Variants in PDE3A observed in about 807,000 individuals in gnomAD.
PDE3A encodes the protein cGMP-inhibited 3',5'-cyclic phosphodiesterase 3A.
PDE3A carries 43 observed loss-of-function variants against 98.3 expected under a neutral mutation model. The ratio of observed to expected loss-of-function variants is 0.44; its 90% confidence interval spans 0.34 to 0.56. The LOEUF is 0.56. Among genes scored for constraint, PDE3A ranks in the 20% least tolerant of loss-of-function variants. The pLI, the probability that PDE3A is intolerant of heterozygous loss-of-function variation, is 0.01. For missense variants in PDE3A, 1,427 were observed against 1,440.7 expected (o/e 0.99, Z 0.15); for synonymous variants, 663 against 567.9 (o/e 1.17, Z -2.38).
intron 1 of PDE3A, among the ~76,000 whole-genome samples, chr12:20,475,494 C>T (rs1041765814): frequency 6.6e-5 from 10 of 151,974 alleles, no homozygotes; most frequent in Middle Eastern, 6.3e-3. Flanking sequence ...TTTGGGAGGA[C>T]GAGGCCAGCA....
At chr12:20,390,163 G>C (rs1424655897) in intron 1 of PDE3A, among the ~76,000 whole-genome samples, 4 of 151,876 alleles carry the variant, frequency 2.6e-5, no homozygotes, top group African/African-American at 9.7e-5. Context: ...GGGATGCTGG[G>C]AAATTTTAAG....
intron 1 of PDE3A, among the ~76,000 whole-genome samples, chr12:20,409,204 T>G (rs990212359): frequency 1.3e-5 from 2 of 152,192 alleles, no homozygotes; most frequent in Admixed American, 1.3e-4. Context: ...AATAGAGTAT[T>G]CACATTCTTA....
rs1943443062 is a variant in PDE3A at position 20,370,278 on chromosome 12, A to C, written c.960+34A>C. The C allele has an allele frequency of 3.4e-6, 5 of 1,486,756 alleles. 1 individual carries two copies. In the South Asian group the frequency reaches 4.3e-5, roughly 13 times the overall value. 92.1% of individuals were successfully genotyped at this position (1,486,756 alleles called of 1,614,324 possible). ...TGGCAACTCCTCTCTCGGCTCTTGG[A>C]AACTTGAAACACTTGGCAACCGGCG... On this transcript the variant is annotated intron_variant, in intron 1 of 15. Coordinates refer to ENST00000359062, the MANE Select transcript of PDE3A (RefSeq NM_000921.5).
chr12:20,645,477 A>G (rs1944756010), intron 10 of PDE3A, among the ~76,000 whole-genome samples: 1 of 152,114 alleles, frequency 6.6e-6, no homozygotes, highest in South Asian at 2.1e-4. Context: ...AGTATTATGA[A>G]GAAATGTAAT....
At chr12:20,588,729 G>C (rs978547599) in intron 2 of PDE3A, among the ~76,000 whole-genome samples, 1 of 152,102 alleles carries the variant, frequency 6.6e-6, no homozygotes, top group African/African-American at 2.4e-5. Context: ...ATAATCTGGG[G>C]CCCTATATGT....
At chr12:20,669,906 A>G (rs1945425549) in intron 15 of PDE3A, among the ~76,000 whole-genome samples, 1 of 152,112 alleles carries the variant, frequency 6.6e-6, no homozygotes, top group Non-Finnish European at 1.5e-5. Context: ...CAGACTGGCA[A>G]ATTGGATAAA....
chr12:20,423,699 G>A (rs950532610), intron 1 of PDE3A, among the ~76,000 whole-genome samples: 6 of 151,962 alleles, frequency 3.9e-5, no homozygotes, highest in Admixed American at 6.6e-5. Flanking sequence ...TATACCACCG[G>A]TATTACCGTG....
intron 1 of PDE3A, among the ~76,000 whole-genome samples, chr12:20,389,907 A>T (rs1305921099): frequency 6.6e-6 from 1 of 151,994 alleles, no homozygotes; most frequent in Non-Finnish European, 1.5e-5. Flanking sequence ...GACTATAATC[A>T]ATTTCAGTAC....
chr12:20,629,787 C>T (rs1026424222), intron 5 of PDE3A, 121 bp from the exon 6 acceptor site: 10 of 728,070 alleles, frequency 1.4e-5, no homozygotes, highest in African/African-American at 1.0e-4. Context: ...GAGGCCAGCC[C>T]GGTGACCTGA....
chr12:20,552,027 C>T lies in PDE3A; in HGVS notation c.961-4633C>T, dbSNP rs9795894. ...ACTCCCTAGTCCTGGCGGGGGGCTA[C>T]GAGGATGACGTGGACCATGGGAATT... is the stretch of plus-strand genomic sequence containing the variant. On this transcript the variant is annotated intron_variant, in intron 1 of 15. Coordinates refer to ENST00000359062, the MANE Select transcript of PDE3A (RefSeq NM_000921.5). The surrounding 1 kb of genome is among the most constrained non-coding windows in gnomAD (Gnocchi z 5.1). 91 of 1,581,162 alleles carry T rather than the reference C, an allele frequency of 5.8e-5. No individual in the cohort carries two copies. The highest frequency in any genetic ancestry group is 9.5e-5 in the African/African-American group (7 of 73,452).
intron 1 of PDE3A, among the ~76,000 whole-genome samples, chr12:20,536,065 G>T (rs1426092412): frequency 4.6e-5 from 7 of 152,116 alleles, no homozygotes; most frequent in Admixed American, 1.3e-4. Context: ...TTCAGACTCT[G>T]CAGGTGGAAC....
intron 1 of PDE3A, among the ~76,000 whole-genome samples, chr12:20,507,089 T>A (rs1946132211): frequency 6.6e-6 from 1 of 152,048 alleles, no homozygotes. Flanking sequence ...GGGGTAATTG[T>A]GCACAGTTCC....
chr12:20,398,047 T>G lies in PDE3A; in HGVS notation c.960+27803T>G, dbSNP rs998098964. 6.2e-4 allele frequency among the ~76,000 whole-genome samples: 79 copies of G among 127,364 alleles called. 1 individual carries two copies. Among genetic ancestry groups the G allele is most frequent in the South Asian group, 7.0e-4 (3 of 4,290 alleles). 83.6% of individuals were successfully genotyped at this position (127,364 alleles called of 152,430 possible). A position where few individuals can be genotyped will look rare whatever the true frequency, so the allele number is the denominator to read the frequency against. On this transcript the variant is annotated intron_variant, in intron 1 of 15. Transcript: ENST00000359062. ...TCCATGAGAATGACAGGTTTTTTTT[T>G]TTTGTTTTTTTTTTCGGGAGTACTG...
intron 1 of PDE3A, among the ~76,000 whole-genome samples, chr12:20,466,109 T>C (rs1945336657): frequency 6.6e-6 from 1 of 152,110 alleles, no homozygotes; most frequent in Non-Finnish European, 1.5e-5. Flanking sequence ...TCTATCCAAA[T>C]AGTCACTGGA....
chr12:20,637,966 G>A (rs1182969226), intron 9 of PDE3A, among the ~76,000 whole-genome samples: 1 of 152,162 alleles, frequency 6.6e-6, no homozygotes, highest in Non-Finnish European at 1.5e-5. Flanking sequence ...GTGATAATAT[G>A]TATCAGCTTA....
At chr12:20,558,433 TC>T (rs1403057531) in intron 2 of PDE3A, among the ~76,000 whole-genome samples, 1 of 151,980 alleles carries the variant, frequency 6.6e-6, no homozygotes, top group Non-Finnish European at 1.5e-5. Context: ...ATTATCAACA[TC>T]AAGTCTTTTT....
intron 15 of PDE3A, among the ~76,000 whole-genome samples, chr12:20,659,358 A>C (rs1379178807): frequency 6.6e-6 from 1 of 152,156 alleles, no homozygotes; most frequent in Non-Finnish European, 1.5e-5. Flanking sequence ...AAAACTGTTA[A>C]AAGAATGACT....
At chr12:20,594,624 A>G (rs918683944) in intron 2 of PDE3A, among the ~76,000 whole-genome samples, 2 of 152,014 alleles carry the variant, frequency 1.3e-5, no homozygotes, top group Admixed American at 1.3e-4. Context: ...AGAAGCTTAC[A>G]GAATCCAAAC....
In PDE3A at chr12:20,551,192, T is replaced by C. The variant is rs1942188218; in HGVS notation, c.961-5468T>C. 3.9e-5 allele frequency among the ~76,000 whole-genome samples: 6 copies of C among 152,172 alleles called. 1 individual carries two copies. In the South Asian group the frequency reaches 1.2e-3, roughly 32 times the overall value. On this transcript the variant is annotated intron_variant, in intron 1 of 15. Coordinates refer to ENST00000359062, the MANE Select transcript of PDE3A (RefSeq NM_000921.5). ...TCCAATAAAGTTAAATGTCTTTCCA[T>C]AGATCTATTTATTTTGTAAGTTGTT...
Sources: gnomAD v4.1 joint callset for allele counts (sites outside exome capture counted in the v4.1 genomes callset) on GRCh38, gnomAD v4.1.1 for gene constraint, Gnocchi (gnomAD v3.1) non-coding constraint, MANE v1.5 for transcripts, NCBI Gene and HGNC (gene_info 2026-07-23, HGNC 2026-07-21) for gene names.